The following EFL1 variants were observed in gnomAD, a reference collection of about 807,000 sequenced individuals.
EFL1 encodes elongation factor-like GTPase 1.
In EFL1, 76 loss-of-function variants were observed where a neutral mutation model predicts 126.7. The ratio of observed to expected loss-of-function variants is 0.60; its 90% CI spans 0.50 to 0.73. The LOEUF (loss-of-function observed/expected upper bound fraction) is 0.73. Ranked by LOEUF, EFL1 falls within the 30% of genes least tolerant of loss-of-function variation. The pLI, the probability that EFL1 is intolerant of heterozygous loss-of-function variation, is 0.00. For synonymous variants in EFL1, 410 were observed against 448.4 expected (o/e 0.91, Z 1.08); for missense variants, 1,128 against 1,343.2 (o/e 0.84, Z 2.50).
At chr15:82,262,454 C>G (rs570685600) in intron 1 of EFL1, 160 bp downstream of exon 1, 136 of 189,002 alleles carry the variant, frequency 7.2e-4, no homozygotes, top group Non-Finnish European at 2.4e-4. Context: ...GCGACCGCCC[C>G]GGCCCCAGAC....
chr15:82,194,902 T>G (rs1447424823), intron 15 of EFL1, among the ~76,000 whole-genome samples: 1 of 152,226 alleles, frequency 6.6e-6, no homozygotes, highest in Non-Finnish European at 1.5e-5. Context: ...CACAGAAAGA[T>G]TCTATGATGA....
chr15:82,232,674 C>T (rs766656381), intron 7 of EFL1, among the ~76,000 whole-genome samples: 2 of 152,270 alleles, frequency 1.3e-5, no homozygotes, highest in South Asian at 2.1e-4. Context: ...TCTTTTCATT[C>T]ACATTTGGTT....
At chr15:82,190,693 T>C (rs1446011991) in intron 15 of EFL1, among the ~76,000 whole-genome samples, 5 of 152,338 alleles carry the variant, frequency 3.3e-5, no homozygotes, top group African/African-American at 1.2e-4. Flanking sequence ...TAAGGGATTT[T>C]ACTTTTGTTC....
intron 15 of EFL1, among the ~76,000 whole-genome samples, chr15:82,214,112 C>T (rs949349447): frequency 6.6e-6 from 1 of 152,124 alleles, no homozygotes; most frequent in East Asian, 1.9e-4. Flanking sequence ...CAATGGGATA[C>T]AGTATTCTAC....
At chr15:82,230,760 T>A in intron 8 of EFL1, 88 bp downstream of exon 8, 1 of 1,448,776 alleles carries the variant, frequency 6.9e-7, no homozygotes, top group Non-Finnish European at 9.2e-7. Flanking sequence ...AAATTAAAGC[T>A]GAATTACATT....
rs1239580857 is a variant in EFL1, at chr15:82,225,220, A to C, written c.1237T>G (p.Phe413Val). Residue 413 changes from phenylalanine (F) to valine (V), a missense_variant, in exon 12 of 20, where the codon TTT (phenylalanine) becomes GTT (valine). Physicochemically the swap from Phe to Val is conservative, Grantham distance 50 (BLOSUM62 -1). Around this residue, in one of 6 missense-constraint regions of EFL1, gnomAD observed 316 missense variants for 318.5 expected, o/e 0.99. Transcript: ENST00000268206. ...TCAACTGCAAACATTTTGGAAACAA[A>C]TATAATAACTGGAGCAGTGTCCTCA... ...GSEDTAPVII[F>V]VSKMFAVDAK... The C allele has an allele frequency of 1.9e-6, 3 of 1,613,002 alleles. No individual in the cohort carries two copies. The highest frequency in any genetic ancestry group is 2.5e-6 in the Non-Finnish European group (3 of 1,179,694).
chr15:82,145,232 G>T (rs561157389), intron 18 of EFL1, among the ~76,000 whole-genome samples: 12 of 151,490 alleles, frequency 7.9e-5, no homozygotes, highest in African/African-American at 2.9e-4. Context: ...GAACCGGGAA[G>T]GTGGAGGTTG....
chr15:82,237,498 G>T (rs904763540), intron 7 of EFL1, among the ~76,000 whole-genome samples: 1 of 152,150 alleles, frequency 6.6e-6, no homozygotes, highest in South Asian at 2.1e-4. Flanking sequence ...AAATGAAAAC[G>T]GTGACAACAC....
At chr15:82,196,337 G>T (rs1472405332) in intron 15 of EFL1, among the ~76,000 whole-genome samples, 1 of 152,180 alleles carries the variant, frequency 6.6e-6, no homozygotes, top group African/African-American at 2.4e-5. Flanking sequence ...CAGCCTCTCT[G>T]TGAGTCTCAG....
At chr15:82,226,193 G>T (rs1412154957) in intron 11 of EFL1, among the ~76,000 whole-genome samples, 1 of 152,140 alleles carries the variant, frequency 6.6e-6, no homozygotes, top group Non-Finnish European at 1.5e-5. Flanking sequence ...TTTTCAGATG[G>T]AGTCTTGTTC....
intron 15 of EFL1, among the ~76,000 whole-genome samples, chr15:82,196,752 G>A (rs1267552096): frequency 1.3e-5 from 2 of 152,142 alleles, no homozygotes; most frequent in African/African-American, 2.4e-5. Context: ...TTGTGGCTTC[G>A]GCCGGGAGCG....
At chr15:82,150,591 C>A (rs978870021) in intron 18 of EFL1, among the ~76,000 whole-genome samples, 2 of 152,088 alleles carry the variant, frequency 1.3e-5, no homozygotes, top group South Asian at 4.1e-4. Flanking sequence ...TGAACTAATA[C>A]CAGTGAAAAG....
chr15:82,250,677 T>TC (rs1295549153), intron 4 of EFL1, among the ~76,000 whole-genome samples: 1 of 151,948 alleles, frequency 6.6e-6, no homozygotes, highest in East Asian at 1.9e-4. Flanking sequence ...GACACCCAAA[T>TC]CCAAGGACAA....
At chr15:82,177,521 C>A (rs2074206925) in intron 15 of EFL1, among the ~76,000 whole-genome samples, 1 of 152,162 alleles carries the variant, frequency 6.6e-6, no homozygotes, top group African/African-American at 2.4e-5. Flanking sequence ...TAAACAGCCT[C>A]CTCCTGGCTG....
chr15:82,139,260 C>T (rs1164653943), intron 18 of EFL1, among the ~76,000 whole-genome samples: 4 of 152,148 alleles, frequency 2.6e-5, no homozygotes, highest in Non-Finnish European at 5.9e-5. Flanking sequence ...ATTAAGATGG[C>T]ATAGGCTATT....
At chr15:82,133,617 T>C (rs2073684312) in intron 19 of EFL1, among the ~76,000 whole-genome samples, 1 of 152,244 alleles carries the variant, frequency 6.6e-6, no homozygotes, top group Admixed American at 6.5e-5. Context: ...TCCTTGTACA[T>C]ATTTTTTGGT....
chr15:82,170,766 G>C (rs547228247), intron 15 of EFL1, among the ~76,000 whole-genome samples: 2 of 152,204 alleles, frequency 1.3e-5, no homozygotes, highest in Non-Finnish European at 2.9e-5. Context: ...TTCTTTATGA[G>C]GCATAAATTC....
intron 19 of EFL1, among the ~76,000 whole-genome samples, chr15:82,135,263 TAAAAAAAGTA>T (rs2073708230): frequency 6.6e-6 from 1 of 152,142 alleles, no homozygotes; most frequent in Non-Finnish European, 1.5e-5. Flanking sequence ...TAATATTTTT[TAAAAAAAGTA>T]TTACATGTAT....
chr15:82,231,961 A>C (rs2141317289), intron 7 of EFL1, among the ~76,000 whole-genome samples: 1 of 152,340 alleles, frequency 6.6e-6, no homozygotes, highest in South Asian at 2.1e-4. Flanking sequence ...CAGCACACCC[A>C]GAACGGCACA....
Sources: gnomAD v4.1 joint callset for allele counts (sites outside exome capture counted in the v4.1 genomes callset) on GRCh38, gnomAD v4.1.1 for gene constraint, gnomAD v4.1.1 regional missense constraint, MANE v1.5 for transcripts, NCBI Gene and HGNC (gene_info 2026-07-23, HGNC 2026-07-21) for gene names.